Variants in FGFR1 observed in about 807,000 individuals in gnomAD.
The protein encoded by FGFR1 is fibroblast growth factor receptor 1.
FGFR1 carries 18 observed loss-of-function variants against 93.7 expected under a neutral mutation model. The observed-to-expected ratio is 0.19, with a 90% CI of 0.13 to 0.28. FGFR1 has a LOEUF of 0.28. FGFR1 is among the 10% of genes least tolerant of loss of function. The pLI, the probability that FGFR1 is intolerant of heterozygous loss-of-function variation, is 1.00. For missense variants in FGFR1, 731 were observed against 1,080.4 expected (o/e 0.68, Z 4.53); for synonymous variants, 448 against 429.3 (o/e 1.04, Z -0.54).
rs1586343015 is a variant in FGFR1 at position 38,427,918 on chromosome 8, T to C, written c.621+3A>G. The C allele has an allele frequency of 6.2e-7, 1 of 1,614,250 alleles. No individual in the cohort carries two copies. The highest frequency in any genetic ancestry group is 1.1e-5 in the South Asian group (1 of 91,088). ...TCTAACTTTCGCATGCACACACACG[T>C]ACCTTGTAGCCTCCAATTCTGTGGT... On this transcript the variant is annotated splice_donor_region_variant and intron_variant, in intron 5 of 17. Coordinates refer to ENST00000447712, the MANE Select transcript of FGFR1 (RefSeq NM_023110.3).
rs576162931 is a variant in FGFR1 at position 38,421,196 on chromosome 8, T to C, written c.1081+601A>G. Among the ~76,000 whole-genome samples, 4 of 152,254 alleles carry C rather than the reference T, an allele frequency of 2.6e-5. No individual in the cohort carries two copies. In the South Asian group the frequency reaches 8.3e-4, roughly 32 times the overall value. ...TGGCTCAACACGCAGACCTCCCCTC[T>C]TGGGAGAGGAGAGACGGCAGCAGGC... On this transcript the variant is annotated intron_variant, in intron 8 of 17. Coordinates refer to ENST00000447712, the MANE Select transcript of FGFR1 (RefSeq NM_023110.3).
At chr8:38,419,986 C>T in intron 8 of FGFR1, 1 of 513,824 alleles carries the variant, frequency 1.9e-6, no homozygotes, top group East Asian at 3.3e-5. Flanking sequence ...TACACAAGCC[C>T]CATCTTCATT....
Position 38,426,381 on chromosome 8 carries a change from A to G in FGFR1, c.622-136T>C. The G allele has an allele frequency of 7.7e-7, 1 of 1,296,244 alleles. No individual in the cohort carries two copies. The highest frequency in any genetic ancestry group is 1.1e-6 in the Non-Finnish European group (1 of 907,268). 80.3% of individuals were successfully genotyped at this position (1,296,244 alleles called of 1,614,324 possible). A position where few individuals can be genotyped will look rare whatever the true frequency, so the allele number is the denominator to read the frequency against. ...AGGGCCCCAGGCTGCAGGGTTGGCT[A>G]GGACAAGGCGTGGATTGCCCCCCTA... On this transcript the variant is annotated intron_variant, in intron 5 of 17. Coordinates refer to ENST00000447712, the MANE Select transcript of FGFR1 (RefSeq NM_023110.3). The surrounding 1 kb of genome is among the most constrained non-coding windows in gnomAD (Gnocchi z 4.1).
intron 2 of FGFR1, among the ~76,000 whole-genome samples, chr8:38,436,934 AG>A (rs1478091376): frequency 6.6e-6 from 1 of 152,156 alleles, no homozygotes; most frequent in Non-Finnish European, 1.5e-5. Flanking sequence ...GTCATTTAGA[AG>A]GCAGTTCTGG....
chr8:38,447,094 A>C lies in FGFR1; in HGVS notation c.91+10262T>G, dbSNP rs980417905. Among the ~76,000 whole-genome samples the C allele has an allele frequency of 3.4e-3, 443 of 129,612 alleles. 1 individual carries two copies. Among genetic ancestry groups the C allele is most frequent in the Non-Finnish European group, 5.3e-3 (333 of 62,858 alleles). The allele number at this position is 129,612 out of a possible 152,430, so 85.0% of individuals were successfully genotyped here. A position where few individuals can be genotyped will look rare whatever the true frequency, so the allele number is the denominator to read the frequency against. On this transcript the variant is annotated intron_variant, in intron 2 of 17. Transcript: ENST00000447712. Reference sequence around the variant, plus strand: ...GAATGCCACAGGAGATATTACTGCAAGCAAACACACACACACACACACACA... The same window carrying C: ...GAATGCCACAGGAGATATTACTGCACGCAAACACACACACACACACACACA...
chr8:38,452,690 G>A (rs1032753105), intron 2 of FGFR1, among the ~76,000 whole-genome samples: 2 of 151,854 alleles, frequency 1.3e-5, no homozygotes, highest in African/African-American at 4.8e-5. Flanking sequence ...GACAACAGCA[G>A]CATTGGCCAG....
At chr8:38,418,038 C>G in intron 10 of FGFR1, 47 bp from the exon 11 acceptor site, 1 of 1,613,468 alleles carries the variant, frequency 6.2e-7, no homozygotes, top group Non-Finnish European at 8.5e-7. Flanking sequence ...TGGTGAAGTT[C>G]AAACCTTGAG....
intron 2 of FGFR1, 143 bp downstream of exon 2, chr8:38,457,213 C>T: frequency 1.1e-6 from 1 of 893,636 alleles, no homozygotes; most frequent in Admixed American, 2.1e-5. Flanking sequence ...TTGAGAGTTT[C>T]TCCTACAGGA....
Position 38,429,988 on chromosome 8 carries a change from G to A in FGFR1, c.92-40C>T, listed in dbSNP as rs1239261588. ...GGGCCGGGAAGGGAAGCCAAGGGGC[G>A]AGAGAGGAAGACAGGGAGAGGGGAG... On this transcript the variant is annotated intron_variant, in intron 2 of 17. Transcript: ENST00000447712. The surrounding 1 kb of genome is among the most constrained non-coding windows in gnomAD (Gnocchi z 4.4). 40 of 1,566,764 alleles carry A rather than the reference G, an allele frequency of 2.6e-5. No homozygotes were observed. The highest frequency in any genetic ancestry group is 5.4e-5 in the African/African-American group (4 of 73,984).
At chr8:38,435,080 G>A (rs1312768815) in intron 2 of FGFR1, 1 of 152,232 alleles carries the variant, frequency 6.6e-6, no homozygotes, top group African/African-American at 2.4e-5. Context: ...ATGCTGGTCA[G>A]GCTGGTCTCG....
rs1403225669 is a variant in FGFR1, at chr8:38,424,898, T to G, written c.746-199A>C. Among the ~76,000 whole-genome samples, 1 of 152,160 alleles carries G rather than the reference T, an allele frequency of 6.6e-6. No individual in the cohort carries two copies. The stretch of plus-strand genomic sequence containing the variant: ...AGGCCCTAAGCCATCAGGATCCTCC[T>G]CCCCAAGGCAGTCATCATATTTACA... On this transcript the variant is annotated intron_variant, in intron 6 of 17. Transcript: ENST00000447712. The surrounding 1 kb of genome is among the most constrained non-coding windows in gnomAD (Gnocchi z 4.3).
At chr8:38,466,993 CA>C (rs1178719359) in intron 1 of FGFR1, among the ~76,000 whole-genome samples, 1 of 151,490 alleles carries the variant, frequency 6.6e-6, no homozygotes, top group African/African-American at 2.4e-5. Context: ...AATTCCTCCG[CA>C]AACATGGGTC....
At chr8:38,433,001 C>T (rs1263107676) in intron 2 of FGFR1, among the ~76,000 whole-genome samples, 1 of 151,436 alleles carries the variant, frequency 6.6e-6, no homozygotes, top group Non-Finnish European at 1.5e-5. Flanking sequence ...GTCAGCGCCA[C>T]TCCAGAGTCC....
intron 9 of FGFR1, 107 bp from the exon 10 acceptor site, chr8:38,418,480 A>G: frequency 7.5e-7 from 1 of 1,329,400 alleles, no homozygotes; most frequent in South Asian, 1.3e-5. Context: ...ATGTCTGTGT[A>G]TCTGATGTTC....
At chr8:38,446,186 T>C (rs1274628353) in intron 2 of FGFR1, among the ~76,000 whole-genome samples, 1 of 149,676 alleles carries the variant, frequency 6.7e-6, no homozygotes, top group East Asian at 2.0e-4. Context: ...CAAGGCAAAC[T>C]GACTCAGCCC....
chr8:38,461,050 G>C (rs1265483375), intron 1 of FGFR1: 2 of 1,535,276 alleles, frequency 1.3e-6, no homozygotes, highest in Non-Finnish European at 1.7e-6. Flanking sequence ...GCAGAGAGGG[G>C]GCACATCTCA....
In FGFR1 at chr8:38,428,453, G is replaced by C. The variant is rs1177584027; in HGVS notation, c.359-18C>G. 2 of 1,599,132 alleles carry C rather than the reference G, an allele frequency of 1.3e-6. No homozygotes were observed. ...GAGAGCATCTATGGGAAGAAGAAGG[G>C]GCACTGAGGTTCCTCCTAGGGACCC... On this transcript the variant is annotated intron_variant, in intron 3 of 17. Transcript: ENST00000447712.
At chr8:38,445,821 G>A (rs2151183961) in intron 2 of FGFR1, among the ~76,000 whole-genome samples, 1 of 152,010 alleles carries the variant, frequency 6.6e-6, no homozygotes, top group East Asian at 1.9e-4. Flanking sequence ...GATTACAGGT[G>A]AGCCACTGTG....
intron 2 of FGFR1, among the ~76,000 whole-genome samples, chr8:38,456,816 T>C (rs1303315794): frequency 2.6e-5 from 4 of 152,106 alleles, no homozygotes; most frequent in African/African-American, 9.7e-5. Flanking sequence ...AGTGATCCTC[T>C]TGCCTTAGCC....
Sources: gnomAD v4.1 joint callset for allele counts (sites outside exome capture counted in the v4.1 genomes callset) on GRCh38, gnomAD v4.1.1 for gene constraint, Gnocchi (gnomAD v3.1) non-coding constraint, MANE v1.5 for transcripts, NCBI Gene and HGNC (gene_info 2026-07-23, HGNC 2026-07-21) for gene names.